KIFAP3: variants seen among roughly 807,000 people sequenced by gnomAD.
KIFAP3 encodes kinesin-associated protein 3.
In KIFAP3, 68 loss-of-function variants were observed where a neutral mutation model predicts 106.5. The observed-to-expected ratio is 0.64, with a 90% CI of 0.53 to 0.78. KIFAP3 has a LOEUF of 0.78. Among genes scored for constraint, KIFAP3 ranks in the 30% least tolerant of loss-of-function variants. KIFAP3 has a pLI of 0.00. For synonymous variants in KIFAP3, 320 were observed against 311.5 expected, an observed-to-expected ratio of 1.03 and a Z score of -0.29; for missense variants, 780 against 941.8, an observed-to-expected ratio of 0.83 and a Z score of 2.25.
chr1:169,987,287 C>A (rs1391304241), intron 11 of KIFAP3, among the ~76,000 whole-genome samples: 1 of 152,034 alleles, frequency 6.6e-6, no homozygotes, highest in East Asian at 1.9e-4. Context: ...GGGCTTCAGT[C>A]TGTGCGATGA....
At chr1:169,964,684 C>G (rs1284416879) in intron 17 of KIFAP3, among the ~76,000 whole-genome samples, 11 of 152,106 alleles carry the variant, frequency 7.2e-5, no homozygotes, top group Admixed American at 7.2e-4. Context: ...ATAATATGCA[C>G]AGAGATGTTG....
At chr1:169,927,375 T>G (rs1663201484) in intron 19 of KIFAP3, among the ~76,000 whole-genome samples, 1 of 152,150 alleles carries the variant, frequency 6.6e-6, no homozygotes, top group African/African-American at 2.4e-5. Context: ...ATGTATAAAT[T>G]GCTACAGAAG....
At chr1:169,978,725 T>C (rs768958865) in intron 15 of KIFAP3, among the ~76,000 whole-genome samples, 16 of 152,112 alleles carry the variant, frequency 1.1e-4, no homozygotes, top group Non-Finnish European at 2.4e-4. Flanking sequence ...TAATTGCTTA[T>C]AGAAATCTAA....
At chr1:169,978,562 C>T (rs1382177517) in intron 15 of KIFAP3, among the ~76,000 whole-genome samples, 1 of 151,810 alleles carries the variant, frequency 6.6e-6, no homozygotes, top group Non-Finnish European at 1.5e-5. Context: ...TTACAGATTG[C>T]ATGAAATAAT....
chr1:170,054,062 C>A lies in KIFAP3; in HGVS notation c.164+1243G>T, dbSNP rs137988577. Among the ~76,000 whole-genome samples the A allele has an allele frequency of 5.7e-3, 867 of 152,296 alleles. 15 individuals carry two copies. Among genetic ancestry groups the A allele is most frequent in the African/African-American group, 0.02 (830 of 41,572 alleles). Reference sequence around the variant, plus strand: ...AACATCAGAGTGAACAGGAAACCTACAGAATGGGAGAAAATTTTTTGCAAT... The same window carrying A: ...AACATCAGAGTGAACAGGAAACCTAAAGAATGGGAGAAAATTTTTTGCAAT... On this transcript the variant is annotated intron_variant, in intron 2 of 19. Transcript: ENST00000361580.
intron 10 of KIFAP3, among the ~76,000 whole-genome samples, chr1:170,009,034 C>T (rs1335388742): frequency 2.0e-5 from 3 of 152,078 alleles, no homozygotes; most frequent in African/African-American, 4.8e-5. Context: ...AATCAAACAC[C>T]GCATGTTCTC....
intron 10 of KIFAP3, among the ~76,000 whole-genome samples, chr1:170,000,697 C>T (rs1571636851): frequency 6.6e-6 from 1 of 152,152 alleles, no homozygotes; most frequent in East Asian, 1.9e-4. Context: ...AAACAGATAG[C>T]CTTAGTTTAA....
At chr1:170,002,100 G>C (rs1184592938) in intron 10 of KIFAP3, among the ~76,000 whole-genome samples, 1 of 152,020 alleles carries the variant, frequency 6.6e-6, no homozygotes, top group Non-Finnish European at 1.5e-5. Context: ...ATCTGCTCTG[G>C]TGATCTCCAA....
At chr1:170,038,253 T>G (rs182957577) in intron 5 of KIFAP3, 37 bp downstream of exon 5, 6 of 1,451,136 alleles carry the variant, frequency 4.1e-6, no homozygotes, top group Middle Eastern at 2.1e-4. Flanking sequence ...TGTAACTTAT[T>G]CCTCTATTAT....
intron 17 of KIFAP3, 67 bp downstream of exon 17, chr1:169,972,446 G>T: frequency 5.0e-6 from 4 of 801,956 alleles, no homozygotes; most frequent in South Asian, 1.5e-5. Context: ...TTTAAAATAG[G>T]TTTACAATGA....
chr1:170,017,817 A>C (rs1044200043), intron 9 of KIFAP3, among the ~76,000 whole-genome samples: 7 of 152,210 alleles, frequency 4.6e-5, no homozygotes, highest in African/African-American at 1.7e-4. Flanking sequence ...CTGTATGGTC[A>C]ATAAGGTAGA....
intron 19 of KIFAP3, among the ~76,000 whole-genome samples, chr1:169,953,116 C>T (rs1213846993): frequency 2.0e-5 from 3 of 151,972 alleles, no homozygotes; most frequent in Non-Finnish European, 4.4e-5. Flanking sequence ...AATGTTACAC[C>T]TCTAGGAATG....
chr1:170,012,947 T>C (rs909085450), intron 10 of KIFAP3, among the ~76,000 whole-genome samples: 1 of 152,114 alleles, frequency 6.6e-6, no homozygotes, highest in African/African-American at 2.4e-5. Flanking sequence ...GATTCAATTA[T>C]CACCACCTGG....
chr1:170,052,642 C>T (rs1557866135), intron 2 of KIFAP3, among the ~76,000 whole-genome samples: 1 of 152,174 alleles, frequency 6.6e-6, no homozygotes, highest in Admixed American at 6.5e-5. Context: ...AACTTATCCA[C>T]CACAACCAAG....
At chr1:170,049,522 C>T (rs566153696) in intron 2 of KIFAP3, among the ~76,000 whole-genome samples, 1 of 152,286 alleles carries the variant, frequency 6.6e-6, no homozygotes, top group South Asian at 2.1e-4. Context: ...GGTCCCTGAC[C>T]CCCATGCCTC....
intron 12 of KIFAP3, among the ~76,000 whole-genome samples, chr1:169,983,827 A>C (rs940700005): frequency 2.0e-5 from 3 of 151,902 alleles, no homozygotes; most frequent in Non-Finnish European, 4.4e-5. Flanking sequence ...AAAGATTCAG[A>C]GAATGGGTAA....
At chr1:170,055,219 C>T in intron 2 of KIFAP3, 86 bp downstream of exon 2, 1 of 1,185,856 alleles carries the variant, frequency 8.4e-7, no homozygotes, top group Non-Finnish European at 1.2e-6. Context: ...TAATTAATCA[C>T]CTATGCTGAT....
chr1:169,997,232 T>C (rs1667409600), intron 10 of KIFAP3, among the ~76,000 whole-genome samples: 1 of 152,230 alleles, frequency 6.6e-6, no homozygotes, highest in Non-Finnish European at 1.5e-5. Context: ...GGATAATAAC[T>C]GTACCTACCT....
intron 9 of KIFAP3, 110 bp downstream of exon 9, chr1:170,024,308 T>C: frequency 1.6e-6 from 1 of 628,996 alleles, no homozygotes; most frequent in Non-Finnish European, 2.6e-6. Flanking sequence ...TTATAAAATC[T>C]TTATTCAGAA....
Sources: allele counts gnomAD v4.1 joint callset (sites outside exome capture counted in the v4.1 genomes callset), GRCh38; gene constraint gnomAD v4.1.1; transcripts MANE v1.5; gene names NCBI Gene and HGNC (gene_info 2026-07-23, HGNC 2026-07-21).